DOCK4: variants seen among roughly 807,000 people sequenced by gnomAD.
DOCK4 encodes the protein dedicator of cytokinesis 4.
DOCK4 carries 97 observed loss-of-function variants against 268.1 expected under a neutral mutation model. That is an observed-to-expected ratio of 0.36 (90% CI 0.31 to 0.43). DOCK4 has a LOEUF of 0.43. DOCK4 is among the 20% of genes least tolerant of loss of function. The pLI is 1.00. For missense variants in DOCK4, 2,145 were observed against 2,455.7 expected (o/e 0.87, Z 2.67); for synonymous variants, 954 against 887.2 (o/e 1.08, Z -1.34).
At chr7:112,039,848 C>T (rs1263770926) in intron 1 of DOCK4, among the ~76,000 whole-genome samples, 2 of 152,128 alleles carry the variant, frequency 1.3e-5, no homozygotes, top group African/African-American at 4.8e-5. Context: ...ACCTGGAGAA[C>T]ACAGTCTCAA....
chr7:112,199,493 C>T (rs551436268), intron 1 of DOCK4, among the ~76,000 whole-genome samples: 6 of 152,152 alleles, frequency 3.9e-5, no homozygotes, highest in Non-Finnish European at 7.4e-5. Context: ...CATCTTGGCA[C>T]AATTTTTTTT....
chr7:111,853,147 G>T (rs1237573281), intron 23 of DOCK4, among the ~76,000 whole-genome samples: 1 of 152,194 alleles, frequency 6.6e-6, no homozygotes, highest in African/African-American at 2.4e-5. Flanking sequence ...AAGCTGGGTA[G>T]ATTTCCTCCT....
chr7:111,900,369 C>CT lies in DOCK4; in HGVS notation c.1480+4dup, dbSNP rs763246203. 6.2e-7 allele frequency: 1 copy of CT among 1,612,090 alleles called. No individual in the cohort carries two copies. ...CACAGGTAGCCAATGCCACCAAACA[C>CT]TTACTGGAACAATGCCGAAACTCGA... On this transcript the variant is annotated splice_donor_region_variant and intron_variant, in intron 15 of 52. Coordinates refer to ENST00000428084, the MANE Select transcript of DOCK4 (RefSeq NM_001363540.2).
At chr7:112,174,063 A>G (rs1188954541) in intron 1 of DOCK4, among the ~76,000 whole-genome samples, 1 of 141,932 alleles carries the variant, frequency 7.0e-6, no homozygotes, top group Non-Finnish European at 1.5e-5. Flanking sequence ...TTCCCTCCTG[A>G]GTCTCCACCT....
chr7:112,092,297 T>C (rs1277532157), intron 1 of DOCK4, among the ~76,000 whole-genome samples: 1 of 152,200 alleles, frequency 6.6e-6, no homozygotes, highest in Non-Finnish European at 1.5e-5. Flanking sequence ...TAAACACTTA[T>C]CAAGTTCCTA....
In DOCK4 at chr7:111,841,103, T is replaced by G. The variant is rs572392798; in HGVS notation, c.2736+3660A>C. The stretch of plus-strand genomic sequence containing the variant: ...ATACTGTTTAAACACCTTTACAGAT[T>G]TGATGAAATCCTCACACTAACTTTG... On this transcript the variant is annotated intron_variant, in intron 25 of 52. Coordinates refer to ENST00000428084, the MANE Select transcript of DOCK4 (RefSeq NM_001363540.2). Among the ~76,000 whole-genome samples, 56 of 152,280 alleles carry G rather than the reference T, an allele frequency of 3.7e-4. 1 individual carries two copies. The South Asian group carries it at 0.01, about 28-fold the overall frequency.
At chr7:112,134,423 A>T (rs2116166489) in intron 1 of DOCK4, among the ~76,000 whole-genome samples, 1 of 152,346 alleles carries the variant, frequency 6.6e-6, no homozygotes, top group Non-Finnish European at 1.5e-5. Context: ...ATAACTCTAA[A>T]AGTGTAAACT....
chr7:111,802,878 C>T (rs528264719), intron 30 of DOCK4, among the ~76,000 whole-genome samples: 2 of 151,886 alleles, frequency 1.3e-5, no homozygotes, highest in Admixed American at 1.3e-4. Flanking sequence ...TATTTTTTTT[C>T]TAGAGTACTT....
intron 1 of DOCK4, among the ~76,000 whole-genome samples, chr7:112,036,742 C>T (rs540326215): frequency 9.2e-5 from 14 of 151,492 alleles, no homozygotes; most frequent in Admixed American, 2.0e-4. Context: ...CCCACTGCAA[C>T]CTCCACCACC....
intron 1 of DOCK4, among the ~76,000 whole-genome samples, chr7:112,151,789 C>T (rs1266075368): frequency 6.9e-6 from 1 of 145,094 alleles, no homozygotes; most frequent in African/African-American, 2.5e-5. Flanking sequence ...TACACATTAA[C>T]ATGAAGATTA....
At chr7:112,090,743 G>C (rs1259096476) in intron 1 of DOCK4, among the ~76,000 whole-genome samples, 1 of 152,144 alleles carries the variant, frequency 6.6e-6, no homozygotes, top group Non-Finnish European at 1.5e-5. Context: ...CTGGAGCAAA[G>C]AATCACAATA....
At chr7:111,973,684 T>C (rs1483138801) in intron 8 of DOCK4, among the ~76,000 whole-genome samples, 4 of 152,100 alleles carry the variant, frequency 2.6e-5, no homozygotes, top group African/African-American at 9.7e-5. Context: ...TCCTTTTTTT[T>C]TTTTTACATT....
chr7:111,989,186 G>T (rs780665415), intron 5 of DOCK4, 23 bp from the exon 6 acceptor site: 3 of 1,613,284 alleles, frequency 1.9e-6, no homozygotes, highest in Non-Finnish European at 2.5e-6. Flanking sequence ...CAAATGTGGA[G>T]ATTTGGCAGT....
intron 32 of DOCK4, among the ~76,000 whole-genome samples, chr7:111,786,775 T>C (rs2133784208): frequency 6.6e-6 from 1 of 152,372 alleles, no homozygotes. Flanking sequence ...GTGATTATAC[T>C]AATTCATTGT....
At chr7:112,009,328 T>A (rs1000423622) in intron 1 of DOCK4, among the ~76,000 whole-genome samples, 1 of 152,244 alleles carries the variant, frequency 6.6e-6, no homozygotes, top group African/African-American at 2.4e-5. Flanking sequence ...AGGTCACTTA[T>A]GAGTCAACTG....
chr7:111,994,512 G>T (rs1222978486), intron 4 of DOCK4, among the ~76,000 whole-genome samples: 1 of 152,168 alleles, frequency 6.6e-6, no homozygotes, highest in Non-Finnish European at 1.5e-5. Context: ...TCACGACTAG[G>T]CAGCAACTCA....
At chr7:112,082,735 G>C (rs1468415583) in intron 1 of DOCK4, among the ~76,000 whole-genome samples, 1 of 152,080 alleles carries the variant, frequency 6.6e-6, no homozygotes, top group Non-Finnish European at 1.5e-5. Flanking sequence ...TAGAAAAAGA[G>C]AAAGGAGAGA....
intron 36 of DOCK4, among the ~76,000 whole-genome samples, chr7:111,777,550 A>T (rs1282974008): frequency 6.6e-6 from 1 of 152,230 alleles, no homozygotes; most frequent in East Asian, 1.9e-4. Context: ...GATGTAATAC[A>T]TGTGGCAACT....
chr7:111,733,294 T>A (rs925772679), intron 51 of DOCK4, among the ~76,000 whole-genome samples: 1 of 152,180 alleles, frequency 6.6e-6, no homozygotes, highest in African/African-American at 2.4e-5. Flanking sequence ...GCAGAAGGGA[T>A]GGCAGCCCTG....
Sources: allele counts gnomAD v4.1 joint callset (sites outside exome capture counted in the v4.1 genomes callset), GRCh38; gene constraint gnomAD v4.1.1; transcripts MANE v1.5; gene names NCBI Gene and HGNC (gene_info 2026-07-23, HGNC 2026-07-21).